TSNARE1: variants seen among roughly 807,000 people sequenced by gnomAD.
TSNARE1 encodes t-SNARE domain-containing protein 1.
A neutral mutation model predicts 62.0 loss-of-function variants in TSNARE1; 49 were observed. The ratio of observed to expected loss-of-function variants is 0.79; its 90% CI spans 0.63 to 1.00. The LOEUF is 1.00. TSNARE1 is among the 50% of genes least tolerant of loss of function. The probability of loss-of-function intolerance (pLI) is 0.00; values close to 1 mark genes in which losing one functional copy is unlikely to be tolerated. For missense variants in TSNARE1, 755 were observed against 700.1 expected, an observed-to-expected ratio of 1.08 and a Z score of -0.88; for synonymous variants, 328 against 294.4, an observed-to-expected ratio of 1.11 and a Z score of -1.17.
chr8:142,264,072 GT>G (rs1323135123), intron 12 of TSNARE1, among the ~76,000 whole-genome samples: 1 of 152,114 alleles, frequency 6.6e-6, no homozygotes, highest in Non-Finnish European at 1.5e-5. Context: ...AGGCTACTAA[GT>G]TTCATTGAAG....
chr8:142,272,005 C>T (rs1014944784), intron 12 of TSNARE1, among the ~76,000 whole-genome samples: 9 of 152,032 alleles, frequency 5.9e-5, no homozygotes, highest in Non-Finnish European at 1.5e-5. Flanking sequence ...TCCATCCGCT[C>T]GTCCGCCTGC....
intron 10 of TSNARE1, among the ~76,000 whole-genome samples, chr8:142,286,030 T>C (rs7834194): frequency 0.24 from 37,117 of 152,090 alleles, 5,136 homozygotes; most frequent in African/African-American, 0.37. Context: ...AGAGTTGGGA[T>C]TCAGACCCCT....
At chr8:142,318,494 G>T in intron 7 of TSNARE1, 50 bp downstream of exon 7, 1 of 1,558,150 alleles carries the variant, frequency 6.4e-7, no homozygotes, top group Non-Finnish European at 8.8e-7. Flanking sequence ...ATCACAGGCA[G>T]AGGGGTCCAT....
At chr8:142,223,149 C>CTCATTCACTCACTCACTCT (rs1816536895) in intron 13 of TSNARE1, among the ~76,000 whole-genome samples, 2 of 122,670 alleles carry the variant, frequency 1.6e-5, no homozygotes, top group South Asian at 3.0e-4. Flanking sequence ...CACTCATCCA[C>CTCATTCACTCACTCACTCT]TCACTCATTC....
intron 11 of TSNARE1, among the ~76,000 whole-genome samples, chr8:142,280,628 G>A (rs908869449): frequency 1.3e-5 from 2 of 152,200 alleles, no homozygotes; most frequent in Admixed American, 1.3e-4. Context: ...GCTGGCATGA[G>A]TGCCCCTCGT....
intron 1 of TSNARE1, among the ~76,000 whole-genome samples, chr8:142,392,328 T>C (rs1037520031): frequency 6.6e-6 from 1 of 152,150 alleles, no homozygotes; most frequent in Admixed American, 6.5e-5. Flanking sequence ...AGCCAACTTT[T>C]TTTTAATAAG....
chr8:142,372,785 C>T (rs1836005649), intron 1 of TSNARE1, among the ~76,000 whole-genome samples: 1 of 152,102 alleles, frequency 6.6e-6, no homozygotes, highest in African/African-American at 2.4e-5. Context: ...AGCAGACTCC[C>T]CCAGGCCTCC....
At chr8:142,266,856 T>C (rs913565422) in intron 12 of TSNARE1, among the ~76,000 whole-genome samples, 1 of 152,222 alleles carries the variant, frequency 6.6e-6, no homozygotes, top group African/African-American at 2.4e-5. Context: ...TCTCTTCATC[T>C]GTCGTAGTTT....
rs796668912 is a variant in TSNARE1 at position 142,256,256 on chromosome 8, T to C, written c.1446+18525A>G. On this transcript the variant is annotated intron_variant, in intron 12 of 13. Coordinates refer to ENST00000524325, the MANE Select transcript of TSNARE1 (RefSeq NM_145003.5). ...ACCACCACCATCACCATCACCATCA[T>C]CACCATCACCATCACCACCACCATT... is the stretch of plus-strand genomic sequence containing the variant. 7.4e-3 allele frequency among the ~76,000 whole-genome samples: 430 copies of C among 58,410 alleles called. 2 individuals are homozygous for C. Among genetic ancestry groups the C allele is most frequent in the African/African-American group, 0.026 (385 of 14,924 alleles). The allele number at this position is 58,410 out of a possible 152,430, so 38.3% of individuals were successfully genotyped here. A position where few individuals can be genotyped will look rare whatever the true frequency, so the allele number is the denominator to read the frequency against.
At chr8:142,333,437 A>T (rs1831336158) in intron 4 of TSNARE1, among the ~76,000 whole-genome samples, 1 of 152,188 alleles carries the variant, frequency 6.6e-6, no homozygotes, top group Non-Finnish European at 1.5e-5. Flanking sequence ...ATTTTTAAAT[A>T]AAAGAACGTG....
chr8:142,284,812 T>TCCCAGGGTCTGTC (rs1157632097), intron 10 of TSNARE1, among the ~76,000 whole-genome samples: 1 of 152,036 alleles, frequency 6.6e-6, no homozygotes, highest in Non-Finnish European at 1.5e-5. Context: ...AGTACAGAGG[T>TCCCAGGGTCTGTC]CCCAGGGTCT....
chr8:142,347,503 A>G (rs1833529035), intron 2 of TSNARE1, among the ~76,000 whole-genome samples: 2 of 152,152 alleles, frequency 1.3e-5, no homozygotes, highest in African/African-American at 4.8e-5. Flanking sequence ...GCACAGAGAC[A>G]CACTCTCCAA....
chr8:142,252,418 G>A (rs977348087), intron 12 of TSNARE1, among the ~76,000 whole-genome samples: 18 of 152,168 alleles, frequency 1.2e-4, no homozygotes, highest in South Asian at 6.2e-4. Context: ...TCTTTCCCGC[G>A]TCTGTAAATG....
chr8:142,256,954 T>G (rs1444529859), intron 12 of TSNARE1, among the ~76,000 whole-genome samples: 1 of 152,180 alleles, frequency 6.6e-6, no homozygotes, highest in Admixed American at 6.5e-5. Context: ...CCACAGGTAT[T>G]GGAGGGAAAA....
At chr8:142,249,920 G>T (rs1424515232) in intron 12 of TSNARE1, among the ~76,000 whole-genome samples, 1 of 152,224 alleles carries the variant, frequency 6.6e-6, no homozygotes, top group African/African-American at 2.4e-5. Context: ...CAACCTGGGG[G>T]CAATTGTGAC....
At chr8:142,230,950 A>G (rs911669761) in intron 12 of TSNARE1, among the ~76,000 whole-genome samples, 5 of 129,950 alleles carry the variant, frequency 3.8e-5, no homozygotes, top group African/African-American at 1.6e-4. Context: ...CCACCTATCC[A>G]CCCATCATCC....
At chr8:142,299,532 C>G (rs1397624544) in intron 10 of TSNARE1, among the ~76,000 whole-genome samples, 1 of 152,170 alleles carries the variant, frequency 6.6e-6, no homozygotes, top group Non-Finnish European at 1.5e-5. Flanking sequence ...CAGAGCGTGT[C>G]CCCCCCACGC....
chr8:142,315,194 A>T, intron 7 of TSNARE1, 102 bp from the exon 8 acceptor site: 2 of 1,181,202 alleles, frequency 1.7e-6, no homozygotes, highest in Non-Finnish European at 2.4e-6. Context: ...ACCTTCCCAC[A>T]CTCAGAATGG....
At chr8:142,272,734 C>T (rs1174730419) in intron 12 of TSNARE1, 71 of 970,680 alleles carry the variant, frequency 7.3e-5, no homozygotes, top group Non-Finnish European at 8.5e-5. Flanking sequence ...TGGGGAGGGC[C>T]CCTTGCAGGT....
Sources: allele counts gnomAD v4.1 joint callset (sites outside exome capture counted in the v4.1 genomes callset), GRCh38; gene constraint gnomAD v4.1.1; transcripts MANE v1.5; gene names NCBI Gene and HGNC (gene_info 2026-07-23, HGNC 2026-07-21).